Variants in DYM observed in about 807,000 individuals in gnomAD.
DYM encodes the protein dyggve-Melchior-Clausen syndrome protein.
In DYM, 78 loss-of-function variants were observed where a neutral mutation model predicts 93.1. That is an observed-to-expected ratio of 0.84 (90% CI 0.70 to 1.01). The LOEUF is 1.01. Ranked by LOEUF, DYM falls within the 50% of genes least tolerant of loss-of-function variation. The pLI is 0.00. For synonymous variants in DYM, 321 were observed against 319.7 expected (o/e 1.00, Z -0.04); for missense variants, 789 against 845.0 (o/e 0.93, Z 0.82).
chr18:49,236,705 C>A (rs1490450683), intron 13 of DYM, among the ~76,000 whole-genome samples: 1 of 152,074 alleles, frequency 6.6e-6, no homozygotes, highest in Admixed American at 6.6e-5. Context: ...AAAATAACAA[C>A]GTAAGTAAAT....
At chr18:49,053,661 G>A (rs1374490636) in intron 17 of DYM, among the ~76,000 whole-genome samples, 1 of 152,208 alleles carries the variant, frequency 6.6e-6, no homozygotes, top group African/African-American at 2.4e-5. Flanking sequence ...TGGAGATCCT[G>A]TCGTAAAATA....
rs553001207 is a variant in DYM, at chr18:49,111,479, C to T, written c.1911+7265G>A. Among the ~76,000 whole-genome samples the T allele has an allele frequency of 5.3e-5, 8 of 152,150 alleles. No individual in the cohort carries two copies. In the South Asian group the frequency reaches 1.7e-3, roughly 32 times the overall value. On this transcript the variant is annotated intron_variant, in intron 16 of 17. Coordinates refer to ENST00000675505, the MANE Select transcript of DYM (RefSeq NM_001353214.3). ...TCATGTGTAGAACTGTAGAGACTGACAGAAATACTATTTATGATAAATTAG... is the reference window on the plus strand; with the variant it reads ...TCATGTGTAGAACTGTAGAGACTGATAGAAATACTATTTATGATAAATTAG...
chr18:49,051,957 G>A (rs1006602089), intron 17 of DYM, among the ~76,000 whole-genome samples: 4 of 152,248 alleles, frequency 2.6e-5, no homozygotes, highest in African/African-American at 9.6e-5. Context: ...GAACCATAGC[G>A]CCAGCTCCTC....
chr18:49,425,114 G>A (rs1376334326), intron 2 of DYM, among the ~76,000 whole-genome samples: 1 of 152,174 alleles, frequency 6.6e-6, no homozygotes, highest in East Asian at 1.9e-4. Context: ...GAACAAAGCT[G>A]CAGGCATCAC....
intron 17 of DYM, among the ~76,000 whole-genome samples, chr18:49,062,112 G>T (rs1283916579): frequency 6.6e-6 from 1 of 152,176 alleles, no homozygotes; most frequent in African/African-American, 2.4e-5. Flanking sequence ...TAAGCAAGCT[G>T]TCTGGAAGGC....
At chr18:49,120,654 T>C (rs556908413) in intron 15 of DYM, among the ~76,000 whole-genome samples, 46 of 152,308 alleles carry the variant, frequency 3.0e-4, no homozygotes, top group African/African-American at 1.1e-3. Context: ...ACTCAAAATA[T>C]GGAGGACTGA....
At chr18:49,199,217 A>G (rs2091795121) in intron 14 of DYM, among the ~76,000 whole-genome samples, 1 of 152,202 alleles carries the variant, frequency 6.6e-6, no homozygotes, top group East Asian at 1.9e-4. Flanking sequence ...ATCACACACC[A>G]GGGCCTGTTG....
intron 8 of DYM, chr18:49,329,707 T>A (rs2063177209): frequency 6.6e-6 from 1 of 152,220 alleles, no homozygotes. Context: ...AACAAGGCAC[T>A]CTGTTTCAAA....
chr18:49,449,626 T>C (rs1208975288), intron 1 of DYM, among the ~76,000 whole-genome samples: 1 of 152,094 alleles, frequency 6.6e-6, no homozygotes, highest in African/African-American at 2.4e-5. Context: ...GGGTAAAAGT[T>C]TTTTTACCAG....
rs1292529776 is a variant in DYM at position 49,346,510 on chromosome 18, T to C, written c.495-12657A>G. On this transcript the variant is annotated intron_variant, in intron 6 of 17. Coordinates refer to ENST00000675505, the MANE Select transcript of DYM (RefSeq NM_001353214.3). The stretch of plus-strand genomic sequence containing the variant: ...TGAAGTAGTCAGGCCCATTAGCAAA[T>C]GGGTGCACAGTTTCTCTTTGGATAA... Among the ~76,000 whole-genome samples the C allele has an allele frequency of 2.6e-5, 4 of 152,092 alleles. No individual in the cohort carries two copies. The South Asian group carries it at 6.2e-4, about 24-fold the overall frequency.
At chr18:49,252,241 A>AAAAAAAAAAAAAAAG (rs1568106559) in intron 13 of DYM, among the ~76,000 whole-genome samples, 1 of 148,446 alleles carries the variant, frequency 6.7e-6, no homozygotes, top group Non-Finnish European at 1.5e-5. Context: ...AAAAAAAAAA[A>AAAAAAAAAAAAAAAG]AGAACTGCCT....
At chr18:49,333,174 T>C (rs557428658) in intron 7 of DYM, among the ~76,000 whole-genome samples, 27 of 152,372 alleles carry the variant, frequency 1.8e-4, no homozygotes, top group African/African-American at 5.5e-4. Flanking sequence ...TATGTGCATA[T>C]GTGTTGGTCA....
intron 13 of DYM, among the ~76,000 whole-genome samples, chr18:49,227,638 G>A (rs2093578207): frequency 1.3e-5 from 2 of 152,106 alleles, no homozygotes; most frequent in Non-Finnish European, 1.5e-5. Context: ...GGTGAGGATT[G>A]TGGGAGCTGT....
At chr18:49,340,921 A>C (rs1297756360) in intron 6 of DYM, among the ~76,000 whole-genome samples, 1 of 152,248 alleles carries the variant, frequency 6.6e-6, no homozygotes, top group African/African-American at 2.4e-5. Flanking sequence ...TAGCACCCAG[A>C]GATGGTGATG....
intron 15 of DYM, among the ~76,000 whole-genome samples, chr18:49,124,733 C>T (rs1009857012): frequency 1.3e-5 from 2 of 152,130 alleles, no homozygotes; most frequent in East Asian, 3.8e-4. Context: ...ATGACAAGAA[C>T]ATATCATTTC....
intron 13 of DYM, among the ~76,000 whole-genome samples, chr18:49,223,446 A>C (rs1330075407): frequency 6.6e-6 from 1 of 152,122 alleles, no homozygotes; most frequent in Non-Finnish European, 1.5e-5. Flanking sequence ...GACTGAAAAA[A>C]ACTAAGACAC....
At chr18:49,079,341 G>T (rs969820997) in intron 17 of DYM, among the ~76,000 whole-genome samples, 2 of 151,916 alleles carry the variant, frequency 1.3e-5, no homozygotes, top group African/African-American at 4.8e-5. Context: ...TGTGGATGTC[G>T]GGACATTTTG....
At chr18:49,205,039 C>T (rs1460142703) in intron 14 of DYM, among the ~76,000 whole-genome samples, 1 of 152,216 alleles carries the variant, frequency 6.6e-6, no homozygotes, top group East Asian at 1.9e-4. Context: ...CGGCTTACTG[C>T]AACCTCTGCC....
At chr18:49,051,935 T>C (rs2072494942) in intron 17 of DYM, among the ~76,000 whole-genome samples, 1 of 152,256 alleles carries the variant, frequency 6.6e-6, no homozygotes, top group Non-Finnish European at 1.5e-5. Context: ...CAGACAGCAC[T>C]GCGCATTCCC....
Sources: gnomAD v4.1 joint callset for allele counts (sites outside exome capture counted in the v4.1 genomes callset) on GRCh38, gnomAD v4.1.1 for gene constraint, MANE v1.5 for transcripts, NCBI Gene and HGNC (gene_info 2026-07-23, HGNC 2026-07-21) for gene names.